SOHLH2: variants seen among roughly 807,000 people sequenced by gnomAD.
SOHLH2 encodes spermatogenesis and oogenesis specific basic helix-loop-helix 2.
A neutral mutation model predicts 50.4 loss-of-function variants in SOHLH2; 22 were observed. The ratio of observed to expected loss-of-function variants is 0.44; its 90% CI spans 0.31 to 0.62. SOHLH2 has a LOEUF of 0.62. SOHLH2 is among the 20% of genes least tolerant of loss of function. The pLI, the probability that SOHLH2 is intolerant of heterozygous loss-of-function variation, is 0.08. For missense variants in SOHLH2, 412 were observed against 504.4 expected, an observed-to-expected ratio of 0.82 and a Z score of 1.76; for synonymous variants, 185 against 187.3, an observed-to-expected ratio of 0.99 and a Z score of 0.10.
chr13:36,187,669 C>T lies in SOHLH2; in HGVS notation c.641+2277G>A, dbSNP rs536401972. On this transcript the variant is annotated intron_variant, in intron 6 of 10. Coordinates refer to ENST00000379881, the MANE Select transcript of SOHLH2 (RefSeq NM_017826.3). ...TTCAGCAAAGAACTTGCTCAACTTC[C>T]TCCCTGATCGGGCCCCATCGAAAAA... Among the ~76,000 whole-genome samples the T allele has an allele frequency of 2.0e-5, 3 of 152,292 alleles. No homozygotes were observed. In the South Asian group the frequency reaches 6.2e-4, roughly 32 times the overall value.
At chr13:36,195,414 G>T (rs1887696179) in intron 2 of SOHLH2, among the ~76,000 whole-genome samples, 1 of 152,150 alleles carries the variant, frequency 6.6e-6, no homozygotes, top group Non-Finnish European at 1.5e-5. Context: ...TCTGGCACAG[G>T]GCATCTGAGG....
chr13:36,174,039 T>C (rs1443800288), intron 8 of SOHLH2, among the ~76,000 whole-genome samples: 4 of 152,194 alleles, frequency 2.6e-5, no homozygotes, highest in African/African-American at 9.7e-5. Flanking sequence ...CTGATCAATC[T>C]AGAGAAGAAA....
chr13:36,180,845 C>T (rs2138278534), intron 6 of SOHLH2, among the ~76,000 whole-genome samples: 1 of 152,196 alleles, frequency 6.6e-6, no homozygotes, highest in African/African-American at 2.4e-5. Context: ...GAGTCTTCTG[C>T]TGCAGTTGTT....
At chr13:36,204,034 T>C (rs990879001) in intron 1 of SOHLH2, among the ~76,000 whole-genome samples, 26 of 148,100 alleles carry the variant, frequency 1.8e-4, no homozygotes, top group Admixed American at 3.4e-4. Flanking sequence ...CACTGTAACC[T>C]CTGCCTCCTG....
At chr13:36,170,911 A>G in intron 9 of SOHLH2, 124 bp from the exon 10 acceptor site, 1 of 1,427,636 alleles carries the variant, frequency 7.0e-7, no homozygotes, top group African/African-American at 1.4e-5. Flanking sequence ...ACTACCTGCT[A>G]CACCCGAATG....
intron 6 of SOHLH2, among the ~76,000 whole-genome samples, chr13:36,184,852 T>G (rs1887369635): frequency 6.6e-6 from 1 of 152,162 alleles, no homozygotes; most frequent in Non-Finnish European, 1.5e-5. Context: ...GCTCCACCCA[T>G]CAACCCGTTA....
At chr13:36,205,226 C>G (rs1868679518) in intron 1 of SOHLH2, among the ~76,000 whole-genome samples, 1 of 152,142 alleles carries the variant, frequency 6.6e-6, no homozygotes, top group Non-Finnish European at 1.5e-5. Context: ...AAAAATTACA[C>G]TTTTTTTCTC....
At chr13:36,205,070 G>A (rs1868667885) in intron 1 of SOHLH2, among the ~76,000 whole-genome samples, 1 of 152,144 alleles carries the variant, frequency 6.6e-6, no homozygotes, top group Non-Finnish European at 1.5e-5. Context: ...TTTTCTGATT[G>A]ATTATAGCTG....
In SOHLH2 at chr13:36,175,851, G is replaced by A. The variant is rs189786444; in HGVS notation, c.642-982C>T. 1.2e-4 allele frequency among the ~76,000 whole-genome samples: 18 copies of A among 152,298 alleles called. No homozygotes were observed. In the South Asian group the frequency reaches 1.7e-3, roughly 14 times the overall value. ...GAACTATTCTGGGAAGGGAAGGATA[G>A]AAGAGTCAACAATTTGACAACGTGT... is the stretch of plus-strand genomic sequence containing the variant. On this transcript the variant is annotated intron_variant, in intron 6 of 10. Transcript: ENST00000379881.
At chr13:36,174,390 G>T in intron 8 of SOHLH2, 86 bp downstream of exon 8, 1 of 1,560,446 alleles carries the variant, frequency 6.4e-7, no homozygotes, top group Non-Finnish European at 8.7e-7. Flanking sequence ...TTTCACTGTG[G>T]ATAGCAGTTT....
chr13:36,186,376 A>C (rs911388022), intron 6 of SOHLH2, among the ~76,000 whole-genome samples: 2 of 152,190 alleles, frequency 1.3e-5, no homozygotes, highest in African/African-American at 4.8e-5. Flanking sequence ...ATCTGAAACA[A>C]GGCACGGATG....
chr13:36,183,249 T>C, intron 6 of SOHLH2: 1 of 273,510 alleles, frequency 3.7e-6, no homozygotes, highest in East Asian at 9.0e-5. Flanking sequence ...TTACTCAGTC[T>C]CTGGTATTTC....
In SOHLH2 at chr13:36,170,561, G is replaced by A. The variant is rs1372890365; in HGVS notation, c.1227C>T (p.Gly409=). ...LLPRHCTSGL[G]QTCTTHPNCL... is the part of the protein sequence containing the mutation. ...AGTTGGGATGTGTAGTGCACGTCTG[G>A]CCCAACCCAGAAGTGCAGTGCCGAG... is the stretch of plus-strand genomic sequence containing the variant. Residue 409 remains glycine (G), a synonymous_variant, in exon 10 of 11, where the codon GGC becomes GGT. Transcript: ENST00000379881. 6.2e-7 allele frequency: 1 copy of A among 1,614,082 alleles called. No homozygotes were observed. The highest frequency in any genetic ancestry group is 8.5e-7 in the Non-Finnish European group (1 of 1,179,974).
At chr13:36,172,704 C>T (rs570670964) in intron 9 of SOHLH2, among the ~76,000 whole-genome samples, 10 of 152,272 alleles carry the variant, frequency 6.6e-5, no homozygotes, top group African/African-American at 2.2e-4. Context: ...GAGGCAGGGA[C>T]ATTTAAGCTG....
chr13:36,170,230 A>T (rs1045115208), intron 10 of SOHLH2, among the ~76,000 whole-genome samples: 3 of 152,190 alleles, frequency 2.0e-5, no homozygotes, highest in African/African-American at 7.2e-5. Context: ...AGCTCTGAGT[A>T]GAAGCAGAGG....
intron 1 of SOHLH2, among the ~76,000 whole-genome samples, chr13:36,211,877 A>C (rs562994921): frequency 1.3e-5 from 2 of 152,222 alleles, no homozygotes; most frequent in Non-Finnish European, 2.9e-5. Flanking sequence ...AAATGTGTCC[A>C]TGCTGGGCTC....
intron 1 of SOHLH2, among the ~76,000 whole-genome samples, chr13:36,208,326 T>G (rs1868906049): frequency 6.6e-6 from 1 of 152,210 alleles, no homozygotes; most frequent in African/African-American, 2.4e-5. Context: ...TTTCCCTCAT[T>G]TACTTATTTA....
intron 1 of SOHLH2, among the ~76,000 whole-genome samples, chr13:36,208,209 G>A (rs1868897695): frequency 6.6e-6 from 1 of 152,032 alleles, no homozygotes; most frequent in African/African-American, 2.4e-5. Context: ...CTTTATTTGT[G>A]GATCTTGCCT....
At chr13:36,170,461 T>C (rs554445810) in intron 10 of SOHLH2, 70 bp downstream of exon 10, 4 of 1,535,592 alleles carry the variant, frequency 2.6e-6, no homozygotes, top group East Asian at 2.3e-5. Context: ...CAACAACAAA[T>C]GCAGGTCAGG....
Sources: gnomAD v4.1 joint callset for allele counts (sites outside exome capture counted in the v4.1 genomes callset) on GRCh38, gnomAD v4.1.1 for gene constraint, MANE v1.5 for transcripts, NCBI Gene and HGNC (gene_info 2026-07-23, HGNC 2026-07-21) for gene names.